Variants in SUN5 observed in about 807,000 individuals in gnomAD.
The protein encoded by SUN5 is Sad1 and UNC84 domain containing 5.
SUN5 carries 44 observed loss-of-function variants against 53.7 expected under a neutral mutation model. The observed-to-expected ratio is 0.82, with a 90% confidence interval of 0.64 to 1.05. SUN5 has a LOEUF of 1.05. SUN5 is among the 50% of genes least tolerant of loss of function. SUN5 has a pLI of 0.00. For missense variants in SUN5, 433 were observed against 483.8 expected, an observed-to-expected ratio of 0.90 and a Z score of 0.98; for synonymous variants, 166 against 179.8, an observed-to-expected ratio of 0.92 and a Z score of 0.62.
Position 33,002,868 on chromosome 20 carries a change from TG to T in SUN5, c.128del (p.Pro43GlnfsTer3). On this transcript the variant is annotated frameshift_variant, in exon 2 of 13. Coordinates refer to ENST00000356173, the MANE Select transcript of SUN5 (RefSeq NM_080675.4). LOFTEE classifies it high-confidence loss of function. ...NTSRMAEDTS[P>X]NMNDNILLPV... is the part of the protein sequence containing the mutation. ...GCACCTGTCCTTGCTCACTCATGTT[TG>T]GGGAGGTGTCCTCTGCCATCCTGCT... 6.2e-7 allele frequency: 1 copy of T among 1,614,128 alleles called. No individual in the cohort carries two copies. The highest frequency in any genetic ancestry group is 1.1e-5 in the South Asian group (1 of 91,074).
chr20:32,999,827 C>T, intron 5 of SUN5: 1 of 1,334,768 alleles, frequency 7.5e-7, no homozygotes, highest in Non-Finnish European at 1.0e-6. Context: ...CCATGGAAAC[C>T]CAGAAAGCGG....
At chr20:33,000,243 C>T in intron 4 of SUN5, 108 bp from the exon 5 acceptor site, 2 of 1,301,602 alleles carry the variant, frequency 1.5e-6, no homozygotes, top group East Asian at 2.5e-5. Flanking sequence ...TTGCCCTATC[C>T]CTTCTTCTCT....
rs745991744 is a variant in SUN5 at position 32,987,779 on chromosome 20, T to C, written c.614-4A>G. 3.1e-6 allele frequency: 5 copies of C among 1,609,864 alleles called. No homozygotes were observed. In the South Asian group the frequency reaches 4.5e-5, roughly 14 times the overall value. ...TGCTCAAAGTCAATGCTGGCCCCTG[T>C]ATAGGAGAAGGGGGTCTCAGCCAAG... is the stretch of plus-strand genomic sequence containing the variant. On this transcript the variant is annotated splice_polypyrimidine_tract_variant and splice_region_variant and intron_variant, in intron 9 of 12. Transcript: ENST00000356173.
chr20:32,998,852 C>CAA (rs141684056), intron 5 of SUN5, among the ~76,000 whole-genome samples: 49,539 of 141,290 alleles, frequency 0.35, 8,892 homozygotes, highest in East Asian at 0.78. Flanking sequence ...TCAATCTCTC[C>CAA]AAAAAAAAAA....
chr20:32,998,175 CAAA>C (rs35729664), intron 5 of SUN5, among the ~76,000 whole-genome samples: 25 of 59,734 alleles, frequency 4.2e-4, no homozygotes, highest in Admixed American at 1.5e-3. Context: ...CCCATCTCTA[CAAA>C]AAAAAAAAAA....
At position 32,989,689 on chromosome 20, in the gene SUN5, C is replaced by T; in HGVS notation, c.544G>A (p.Ala182Thr). 2 of 1,613,976 alleles carry T rather than the reference C, an allele frequency of 1.2e-6. No homozygotes were observed. The highest frequency in any genetic ancestry group is 1.3e-5 in the African/African-American group (1 of 74,968). Residue 182 changes from alanine (A) to threonine (T), a missense_variant, in exon 9 of 13, where the codon GCC becomes ACC. Ala to Thr is a moderately conservative substitution (Grantham distance 58). Coordinates refer to ENST00000356173, the MANE Select transcript of SUN5 (RefSeq NM_080675.4). ...MEAMSDEQKM[A>T]QKIMKMIHGD... is the part of the protein sequence containing the mutation. ...TGTATCATCTTCATTATTTTCTGGG[C>T]CATTTTTTGCTGAAAAGGCAGAAAA...
chr20:32,985,737 T>C lies in SUN5; in HGVS notation c.896A>G (p.Tyr299Cys). 6.2e-7 allele frequency: 1 copy of C among 1,613,878 alleles called. No individual in the cohort carries two copies. Among genetic ancestry groups the C allele is most frequent in the South Asian group, 1.1e-5 (1 of 91,054 alleles). ...LDTAPKDFVI[Y>C]GMEGSPKEEV... is the part of the protein sequence containing the mutation. ...AGCTCCCTGCAGGGGAGTGCTCACA[T>C]AGATGACGAAGTCCTTGGGGGCGGT... Residue 299 changes from tyrosine to cysteine, a missense_variant and splice_region_variant, in exon 11 of 13, where the codon TAT (tyrosine) becomes TGT (cysteine). By Grantham distance (194) the Tyr-to-Cys change is radical. Coordinates refer to ENST00000356173, the MANE Select transcript of SUN5 (RefSeq NM_080675.4).
intron 12 of SUN5, among the ~76,000 whole-genome samples, chr20:32,984,289 C>T (rs921817050): frequency 7.2e-5 from 11 of 152,140 alleles, no homozygotes; most frequent in African/African-American, 2.4e-4. Flanking sequence ...CCCAGGATTG[C>T]GGTGGGCATG....
chr20:32,999,403 G>C (rs1989938835), intron 5 of SUN5, among the ~76,000 whole-genome samples: 1 of 152,134 alleles, frequency 6.6e-6, no homozygotes, highest in African/African-American at 2.4e-5. Flanking sequence ...GACCAGCCTG[G>C]CCAAGATGAT....
Position 32,984,248 on chromosome 20 carries a change from G to C in SUN5, c.985-299C>G, listed in dbSNP as rs560464066. Among the ~76,000 whole-genome samples, 13 of 152,222 alleles carry C rather than the reference G, an allele frequency of 8.5e-5. No individual in the cohort carries two copies. The South Asian group carries it at 2.7e-3, about 32-fold the overall frequency. On this transcript the variant is annotated intron_variant, in intron 12 of 12. Transcript: ENST00000356173. ...CAGTCTCCCACTCCTGCCCTGCCCC[G>C]CCCGTAAGATGGGAATGGTAATATC...
intron 9 of SUN5, among the ~76,000 whole-genome samples, chr20:32,988,989 G>T (rs959874044): frequency 6.6e-6 from 1 of 151,660 alleles, no homozygotes; most frequent in Non-Finnish European, 1.5e-5. Flanking sequence ...GCTGTGGCGC[G>T]ATCTAGGCTC....
At chr20:32,990,411 T>C (rs1261866916) in intron 8 of SUN5, among the ~76,000 whole-genome samples, 1 of 152,204 alleles carries the variant, frequency 6.6e-6, no homozygotes, top group African/African-American at 2.4e-5. Context: ...TTTCCAAAAA[T>C]GGCTGCAACA....
At chr20:32,995,472 C>A in intron 8 of SUN5, 147 bp downstream of exon 8, 1 of 652,366 alleles carries the variant, frequency 1.5e-6, no homozygotes, top group Non-Finnish European at 2.7e-6. Context: ...TAAAAATATA[C>A]TTCTTTCACT....
chr20:32,989,496 G>T (rs1677835996), intron 9 of SUN5, 124 bp downstream of exon 9: 1 of 536,520 alleles, frequency 1.9e-6, no homozygotes. Flanking sequence ...AAGAAAACCA[G>T]CTTGGAACAG....
At position 33,000,135 on chromosome 20, in the gene SUN5, T is replaced by G; in HGVS notation, c.279A>C (p.Arg93Ser). Residue 93 changes from arginine to serine, a missense_variant and splice_region_variant, in exon 5 of 13, where the codon AGA (arginine) becomes AGC (serine). Physicochemically the swap from Arg to Ser is moderately radical, Grantham distance 110. Transcript: ENST00000356173. ...TGAGCTTCTGGCACAGCAGCTTGCATCTGGAAGGCAGGGAGTGGTGGTCAA... is the reference window on the plus strand; with the variant it reads ...TGAGCTTCTGGCACAGCAGCTTGCAGCTGGAAGGCAGGGAGTGGTGGTCAA... ...QAQQVLFNTC[R>S]CKLLCQKLME... 1 of 1,601,812 alleles carries G rather than the reference T, an allele frequency of 6.2e-7. No individual in the cohort carries two copies. The highest frequency in any genetic ancestry group is 8.5e-7 in the Non-Finnish European group (1 of 1,175,434).
intron 6 of SUN5, 152 bp downstream of exon 6, chr20:32,997,486 A>G (rs221975): frequency 0.57 from 403,151 of 703,148 alleles, 121,587 homozygotes; most frequent in East Asian, 0.98. Context: ...TTCTAGGTGG[A>G]TGGTACGATG....
At chr20:32,987,097 C>T (rs907428767) in intron 10 of SUN5, among the ~76,000 whole-genome samples, 1 of 152,218 alleles carries the variant, frequency 6.6e-6, no homozygotes, top group Admixed American at 6.5e-5. Context: ...TGAATGAAGG[C>T]ACCTGCTTTG....
chr20:32,993,856 A>G (rs1989769448), intron 8 of SUN5, among the ~76,000 whole-genome samples: 1 of 152,246 alleles, frequency 6.6e-6, no homozygotes, highest in Non-Finnish European at 1.5e-5. Context: ...TGATGCAGGC[A>G]CGTGGGCCGT....
intron 3 of SUN5, among the ~76,000 whole-genome samples, chr20:33,001,938 C>T (rs540190759): frequency 4.7e-4 from 71 of 152,278 alleles, no homozygotes; most frequent in African/African-American, 1.7e-3. Context: ...AGGCATGAGC[C>T]ACTGCGCTTG....
Sources: gnomAD v4.1 joint callset for allele counts (sites outside exome capture counted in the v4.1 genomes callset) on GRCh38, gnomAD v4.1.1 for gene constraint, MANE v1.5 for transcripts, NCBI Gene and HGNC (gene_info 2026-07-23, HGNC 2026-07-21) for gene names.